Variants in BCAS3 observed in about 807,000 individuals in gnomAD.
BCAS3 encodes the protein BCAS3 microtubule associated cell migration factor, also known as BCAS4/BCAS3 fusion.
A neutral mutation model predicts 116.1 loss-of-function variants in BCAS3; 53 were observed. That is an observed-to-expected ratio of 0.46 (90% CI 0.37 to 0.57). The LOEUF (loss-of-function observed/expected upper bound fraction) is 0.57. BCAS3 is among the 20% of genes least tolerant of loss of function. The probability of loss-of-function intolerance (pLI) is 0.00; values close to 1 mark genes in which losing one functional copy is unlikely to be tolerated. For missense variants in BCAS3, 917 were observed against 1,165.4 expected, an observed-to-expected ratio of 0.79 and a Z score of 3.10; for synonymous variants, 391 against 408.2, an observed-to-expected ratio of 0.96 and a Z score of 0.51.
In BCAS3 at chr17:61,226,316, TAAGCCCAGCTGGTCTAAA is replaced by T. The variant is rs1463989874; in HGVS notation, c.2425+141756_2425+141773del. On this transcript the variant is annotated intron_variant, in intron 22 of 23. Transcript: ENST00000407086. The surrounding 1 kb of genome is among the most constrained non-coding windows in gnomAD (Gnocchi z 6.0). ...TGTTTTGTGATACCTAATTTTCAGG[TAAGCCCAGCTGGTCTAAA>T]AAGATTGGCAATATTTGAAACATTT... 6.6e-6 allele frequency among the ~76,000 whole-genome samples: 1 copy of T among 152,252 alleles called. No individual in the cohort carries two copies. Among genetic ancestry groups the T allele is most frequent in the Non-Finnish European group, 1.5e-5 (1 of 68,042 alleles).
intron 22 of BCAS3, among the ~76,000 whole-genome samples, chr17:61,236,149 G>A (rs1037600942): frequency 6.6e-6 from 1 of 152,152 alleles, no homozygotes; most frequent in African/African-American, 2.4e-5. Flanking sequence ...ACAGAAAAGT[G>A]CCAGCTATCA....
chr17:61,197,910 A>T (rs1295703648), intron 22 of BCAS3, among the ~76,000 whole-genome samples: 1 of 152,142 alleles, frequency 6.6e-6, no homozygotes, highest in African/African-American at 2.4e-5. Flanking sequence ...TGACTTCTAG[A>T]TGTGGTTTTG....
chr17:61,182,763 A>G (rs543722891), intron 22 of BCAS3, among the ~76,000 whole-genome samples: 2 of 152,332 alleles, frequency 1.3e-5, no homozygotes, highest in South Asian at 4.1e-4. Flanking sequence ...TACAATACGT[A>G]GTCTTTTGAG....
In BCAS3 at chr17:61,015,752, G is replaced by A. The variant is rs558953872; in HGVS notation, c.1488G>A (p.Gly496=). Residue 496 remains glycine, a splice_region_variant and synonymous_variant, in exon 16 of 24, where the codon GGG becomes GGA. Coordinates refer to ENST00000407086, the MANE Select transcript of BCAS3 (RefSeq NM_017679.5). ...SSSPSGSPLH[G]KLNSQDSYNN... ...TTTTCTTTATTTTTCTCTTTGTAGG[G>A]AAACTGAACAGCCAAGACTCCTATA... The A allele has an allele frequency of 9.9e-6, 16 of 1,613,838 alleles. No homozygotes were observed. The highest frequency in any genetic ancestry group is 1.3e-5 in the Non-Finnish European group (15 of 1,179,846).
intron 11 of BCAS3, among the ~76,000 whole-genome samples, chr17:60,904,391 G>A (rs935470015): frequency 8.6e-5 from 13 of 150,778 alleles, no homozygotes; most frequent in South Asian, 6.2e-4. Flanking sequence ...GCGACACAGC[G>A]AGACTCTGTC....
At chr17:60,911,551 G>A (rs1323100501) in intron 12 of BCAS3, among the ~76,000 whole-genome samples, 1 of 152,158 alleles carries the variant, frequency 6.6e-6, no homozygotes, top group Non-Finnish European at 1.5e-5. Flanking sequence ...GTCCGCCTTG[G>A]CCTCCCAAAG....
At chr17:61,146,635 C>T (rs907804127) in intron 22 of BCAS3, among the ~76,000 whole-genome samples, 15 of 152,246 alleles carry the variant, frequency 9.9e-5, no homozygotes, top group African/African-American at 3.1e-4. Context: ...GCTAGAGTGG[C>T]AGATTTGAAT....
intron 6 of BCAS3, among the ~76,000 whole-genome samples, chr17:60,779,456 G>A (rs1337948514): frequency 3.4e-5 from 5 of 148,554 alleles, no homozygotes; most frequent in African/African-American, 5.0e-5. Context: ...TGCAACCTCC[G>A]CCTCCCAGGT....
At chr17:61,193,360 C>T (rs2080262482) in intron 22 of BCAS3, among the ~76,000 whole-genome samples, 1 of 152,074 alleles carries the variant, frequency 6.6e-6, no homozygotes, top group African/African-American at 2.4e-5. Flanking sequence ...CTATAGAAAA[C>T]TGTCAGTGCA....
In BCAS3 at chr17:61,265,820, C is replaced by T; in HGVS notation, c.2426-102507C>T. ...GTTCTAAAAAAAAAATCTTTGACTC[C>T]ACCATTTTTATAATAAACACTTGCA... is the stretch of plus-strand genomic sequence containing the variant. On this transcript the variant is annotated intron_variant, in intron 22 of 23. Coordinates refer to ENST00000407086, the MANE Select transcript of BCAS3 (RefSeq NM_017679.5). This position sits in a 1 kb window ranked among gnomAD's most constrained non-coding sequence, Gnocchi z 4.3. Among the ~76,000 whole-genome samples the T allele has an allele frequency of 6.6e-6, 1 of 152,230 alleles. No individual in the cohort carries two copies. The highest frequency in any genetic ancestry group is 1.9e-4 in the East Asian group (1 of 5,184).
In BCAS3 at chr17:61,378,270, A is replaced by AC. The variant is rs2059428813; in HGVS notation, c.2593+9780dup. The AC allele has an allele frequency of 1.3e-5, 2 of 151,828 alleles. No homozygotes were observed. Among genetic ancestry groups the AC allele is most frequent in the African/African-American group, 2.4e-5 (1 of 41,270 alleles). 9.4% of individuals were successfully genotyped at this position (151,828 alleles called of 1,614,324 possible). A position where few individuals can be genotyped will look rare whatever the true frequency, so the allele number is the denominator to read the frequency against. On this transcript the variant is annotated intron_variant, in intron 23 of 23. Transcript: ENST00000407086. The surrounding 1 kb of genome is among the most constrained non-coding windows in gnomAD (Gnocchi z 5.8). ...TACCTGGCCCTGGTGCATGTTGGTC[A>AC]CCCCTCAGGACCGCTGCCCTCCCAT...
At chr17:61,225,004 A>G (rs1443495708) in intron 22 of BCAS3, among the ~76,000 whole-genome samples, 1 of 152,216 alleles carries the variant, frequency 6.6e-6, no homozygotes, top group Non-Finnish European at 1.5e-5. Context: ...GTTGATAGGC[A>G]TAGCTACCAC....
In BCAS3 at chr17:61,171,745, T is replaced by A. The variant is rs2078852013; in HGVS notation, c.2425+87181T>A. Among the ~76,000 whole-genome samples the A allele has an allele frequency of 6.6e-6, 1 of 152,018 alleles. No individual in the cohort carries two copies. The highest frequency in any genetic ancestry group is 2.4e-5 in the African/African-American group (1 of 41,394). On this transcript the variant is annotated intron_variant, in intron 22 of 23. Coordinates refer to ENST00000407086, the MANE Select transcript of BCAS3 (RefSeq NM_017679.5). The surrounding 1 kb of genome is among the most constrained non-coding windows in gnomAD (Gnocchi z 4.1). Reference sequence around the variant, plus strand: ...AAGTCATCCTCCTGCTTCAGCCTCCTGAGTAGCTGGGATTTCAGGCATGTG... The same window carrying A: ...AAGTCATCCTCCTGCTTCAGCCTCCAGAGTAGCTGGGATTTCAGGCATGTG...
chr17:60,946,268 G>C (rs2060489751), intron 13 of BCAS3, among the ~76,000 whole-genome samples: 2 of 152,120 alleles, frequency 1.3e-5, no homozygotes, highest in African/African-American at 4.8e-5. Flanking sequence ...GTTTTGTATA[G>C]GATCCTCACC....
chr17:60,962,057 T>TAA lies in BCAS3; in HGVS notation c.1221+14706_1221+14707insAA, dbSNP rs1231668610. Among the ~76,000 whole-genome samples, 1 of 152,222 alleles carries TAA rather than the reference T, an allele frequency of 6.6e-6. No homozygotes were observed. Among genetic ancestry groups the TAA allele is most frequent in the African/African-American group, 2.4e-5 (1 of 41,470 alleles). ...AAGCTGAATATTTCATTGCTATATA[T>TAA]ACCATATATGCTTTATTTATTCATC... On this transcript the variant is annotated intron_variant, in intron 14 of 23. Coordinates refer to ENST00000407086, the MANE Select transcript of BCAS3 (RefSeq NM_017679.5). The surrounding 1 kb of genome is among the most constrained non-coding windows in gnomAD (Gnocchi z 4.4).
At chr17:61,336,438 G>A (rs943603862) in intron 22 of BCAS3, among the ~76,000 whole-genome samples, 4 of 152,046 alleles carry the variant, frequency 2.6e-5, no homozygotes, top group East Asian at 1.9e-4. Flanking sequence ...CTTTGTCAGC[G>A]TCCTCCCACG....
chr17:60,997,275 C>G (rs1049019016), intron 15 of BCAS3, among the ~76,000 whole-genome samples: 1 of 152,198 alleles, frequency 6.6e-6, no homozygotes, highest in Admixed American at 6.5e-5. Context: ...AGTCCACCAC[C>G]TGGGAGTTGG....
chr17:60,696,116 T>C (rs957390271), intron 4 of BCAS3, among the ~76,000 whole-genome samples: 1 of 152,158 alleles, frequency 6.6e-6, no homozygotes, highest in Non-Finnish European at 1.5e-5. Flanking sequence ...AAGTATTCAT[T>C]AGGAGATCCA....
intron 14 of BCAS3, among the ~76,000 whole-genome samples, chr17:60,963,554 GA>G (rs1369361374): frequency 2.9e-5 from 4 of 136,260 alleles, no homozygotes; most frequent in Non-Finnish European, 6.0e-5. Flanking sequence ...AAATGCTATC[GA>G]TTTTTTTTTT....
Sources: allele counts gnomAD v4.1 joint callset (sites outside exome capture counted in the v4.1 genomes callset), GRCh38; gene constraint gnomAD v4.1.1; non-coding constraint Gnocchi (gnomAD v3.1); transcripts MANE v1.5; gene names NCBI Gene and HGNC (gene_info 2026-07-23, HGNC 2026-07-21).